LBR: variants seen among roughly 807,000 people sequenced by gnomAD.
The protein encoded by LBR is lamin B receptor.
In LBR, 28 loss-of-function variants were observed where a neutral mutation model predicts 74.3. The observed-to-expected ratio is 0.38, with a 90% CI of 0.28 to 0.52. LBR has a LOEUF of 0.52. LBR is among the 20% of genes least tolerant of loss of function. LBR has a pLI of 0.89. For synonymous variants in LBR, 228 were observed against 269.3 expected (o/e 0.85, Z 1.50); for missense variants, 717 against 760.3 (o/e 0.94, Z 0.67).
At chr1:225,420,416 T>C (rs142937803) in intron 3 of LBR, among the ~76,000 whole-genome samples, 267 of 151,464 alleles carry the variant, frequency 1.8e-3, no homozygotes, top group Admixed American at 2.3e-3. Flanking sequence ...AAAGTAAAAA[T>C]TGGTAAATTA....
At chr1:225,419,485 A>G (rs368254881) in intron 4 of LBR, 33 bp from the exon 5 acceptor site, 3 of 1,452,014 alleles carry the variant, frequency 2.1e-6, no homozygotes, top group African/African-American at 2.8e-5. Flanking sequence ...AAATATCTGC[A>G]GTGAACAATT....
chr1:225,412,649 T>TAAAA lies in LBR; in HGVS notation c.893-8_893-5dup, dbSNP rs78306811. 10 of 1,406,476 alleles carry TAAAA rather than the reference T, an allele frequency of 7.1e-6. No homozygotes were observed. Among genetic ancestry groups the TAAAA allele is most frequent in the South Asian group, 2.6e-5 (2 of 78,368 alleles). The allele number at this position is 1,406,476 out of a possible 1,614,324, so 87.1% of individuals were successfully genotyped here. Reference sequence around the variant, plus strand: ...GTCAGGATAAAAGCATAGAATCCTTTAAAAAAAAAAAAAAAAGGAAGTGGA... The same window carrying TAAAA: ...GTCAGGATAAAAGCATAGAATCCTTTAAAAAAAAAAAAAAAAAAAAGGAAGTGGA... On this transcript the variant is annotated splice_region_variant and splice_polypyrimidine_tract_variant and intron_variant, in intron 7 of 13. Transcript: ENST00000272163.
chr1:225,413,752 TTAA>T (rs566553827), intron 7 of LBR: 85 of 336,764 alleles, frequency 2.5e-4, no homozygotes, highest in African/African-American at 1.8e-3. Context: ...ACCTCCTTAG[TTAA>T]TAATCGTAAA....
intron 11 of LBR, 141 bp from the exon 12 acceptor site, chr1:225,404,847 G>C (rs1393841050): frequency 1.3e-5 from 9 of 679,592 alleles, no homozygotes; most frequent in Non-Finnish European, 2.3e-5. Flanking sequence ...AGATCCTCCT[G>C]CTTCAGCCTC....
chr1:225,424,046 T>G lies in LBR; in HGVS notation c.30A>C (p.Glu10Asp). 6.2e-7 allele frequency: 1 copy of G among 1,614,190 alleles called. No individual in the cohort carries two copies. The highest frequency in any genetic ancestry group is 1.1e-5 in the South Asian group (1 of 91,084). The change falls in exon 2 of 14, where the codon GAA (glutamate) becomes GAC (aspartate). Residue 10 changes from glutamate (E) to aspartate (D), a missense_variant. By Grantham distance (45) the Glu-to-Asp change is conservative. Coordinates refer to ENST00000272163, the MANE Select transcript of LBR (RefSeq NM_002296.4). ...TCCCAGGCCATCGACCTCTTACCAC[T>G]TCACCATCGGCAAATTTCCTACTTG... MPSRKFADG[E>D]VVRGRWPGSS...
chr1:225,419,432 T>C lies in LBR; in HGVS notation c.471A>G (p.Gln157=). 1 of 1,612,582 alleles carries C rather than the reference T, an allele frequency of 6.2e-7. No homozygotes were observed. Among genetic ancestry groups the C allele is most frequent in the Non-Finnish European group, 8.5e-7 (1 of 1,178,640 alleles). ...ACTGTGTTGCTATGTAACTGCTTTC[T>C]TGTGACAAACTGAATTTTTCCTAAA... ...KNTQEKFSLS[Q]ESSYIATQYS... is the part of the protein sequence containing the mutation. Residue 157 remains glutamine (Q), a synonymous_variant, in exon 5 of 14, where the codon CAA becomes CAG. Transcript: ENST00000272163.
chr1:225,404,918 C>G (rs894210415), intron 11 of LBR, among the ~76,000 whole-genome samples: 1 of 152,122 alleles, frequency 6.6e-6, no homozygotes, highest in Non-Finnish European at 1.5e-5. Context: ...AAGAACAACT[C>G]AAAACCTCTA....
intron 2 of LBR, among the ~76,000 whole-genome samples, 167 bp downstream of exon 2, chr1:225,423,744 C>T (rs2096132986): frequency 6.6e-6 from 1 of 152,194 alleles, no homozygotes; most frequent in South Asian, 2.1e-4. Context: ...AAGGACTATG[C>T]CTCATTCATA....
At position 225,403,048 on chromosome 1, in the gene LBR, G is replaced by C. The variant is rs11551874; in HGVS notation, c.*255C>G. ...AGACTGTCTTCTGTTTTCAGATTAA[G>C]GGTTGAAAATTTCCCATTAAAATGC... On this transcript the variant is annotated 3_prime_UTR_variant, in exon 14 of 14. Transcript: ENST00000272163. 53,534 of 480,640 alleles carry C rather than the reference G, an allele frequency of 0.11. 3,851 individuals carry two copies. Among genetic ancestry groups the C allele is most frequent in the South Asian group, 0.25 (10,472 of 42,050 alleles). The allele number at this position is 480,640 out of a possible 1,614,324, so 29.8% of individuals were successfully genotyped here.
In LBR at chr1:225,418,051, C is replaced by A. The variant is rs752867763; in HGVS notation, c.770G>T (p.Arg257Ile). 1 of 1,614,198 alleles carries A rather than the reference C, an allele frequency of 6.2e-7. No individual in the cohort carries two copies. Among genetic ancestry groups the A allele is most frequent in the South Asian group, 1.1e-5 (1 of 91,088 alleles). Residue 257 changes from arginine to isoleucine, a missense_variant, in exon 6 of 14, where the codon AGA (arginine) becomes ATA (isoleucine). Arg to Ile is a moderately conservative substitution (Grantham distance 97, BLOSUM62 -3). Transcript: ENST00000272163. ...CCACAGGAGGTAGACCCCAAATACT[C>A]TGGTTTCCCATAACTCATACAAAGC... is the stretch of plus-strand genomic sequence containing the variant. The part of the protein sequence containing the change: ...LPALYELWET[R>I]VFGVYLLWFL...
chr1:225,403,551 T>C, intron 13 of LBR, 88 bp from the exon 14 acceptor site: 2 of 1,040,894 alleles, frequency 1.9e-6, no homozygotes, highest in Non-Finnish European at 2.9e-6. Context: ...TCTCTAAAAA[T>C]GGAACCACAA....
At chr1:225,426,452 C>T in intron 1 of LBR, among the ~76,000 whole-genome samples, 1 of 152,328 alleles carries the variant, frequency 6.6e-6, no homozygotes, top group Middle Eastern at 3.4e-3. Context: ...TGTCCTCATT[C>T]GCCATAAACA....
upstream of LBR, among the ~76,000 whole-genome samples, chr1:225,428,482 C>T (rs1314246967): frequency 6.6e-6 from 1 of 152,036 alleles, no homozygotes; most frequent in African/African-American, 2.4e-5. Flanking sequence ...AAGTGATCAC[C>T]AAAGATCCGA....
At position 225,402,244 on chromosome 1, in the gene LBR, C is replaced by T. The variant is rs1336421642; in HGVS notation, c.*1059G>A. The T allele has an allele frequency of 6.6e-6, 1 of 152,120 alleles. No homozygotes were observed. The allele number at this position is 152,120 out of a possible 1,614,324, so 9.4% of individuals were successfully genotyped here. The stretch of plus-strand genomic sequence containing the variant: ...AAAAATACAGTATAAACTGCATAAG[C>T]TTAACAGTAGCAAAAACACTGATGA... On this transcript the variant is annotated 3_prime_UTR_variant, in exon 14 of 14. Coordinates refer to ENST00000272163, the MANE Select transcript of LBR (RefSeq NM_002296.4).
chr1:225,409,046 C>G (rs2096098698), intron 10 of LBR, among the ~76,000 whole-genome samples: 1 of 152,220 alleles, frequency 6.6e-6, no homozygotes, highest in Non-Finnish European at 1.5e-5. Flanking sequence ...TTTGGCGATT[C>G]ATTCTATAAC....
chr1:225,425,488 G>C (rs1441993942), intron 1 of LBR, among the ~76,000 whole-genome samples: 1 of 152,158 alleles, frequency 6.6e-6, no homozygotes, highest in African/African-American at 2.4e-5. Context: ...GAGTAGTGGG[G>C]AGGAGCCCAC....
At chr1:225,405,487 A>T (rs1168164058) in intron 11 of LBR, among the ~76,000 whole-genome samples, 3 of 152,222 alleles carry the variant, frequency 2.0e-5, no homozygotes, top group African/African-American at 7.2e-5. Flanking sequence ...TGGCTATCAC[A>T]GGAGTGGGCT....
intron 7 of LBR, among the ~76,000 whole-genome samples, chr1:225,413,148 A>C (rs1040224401): frequency 1.3e-5 from 2 of 152,248 alleles, no homozygotes; most frequent in Middle Eastern, 3.2e-3. Context: ...AAAAGATTCT[A>C]GTAAAACTCT....
chr1:225,422,819 TTTGTGTGG>T, intron 2 of LBR, among the ~76,000 whole-genome samples: 1 of 152,346 alleles, frequency 6.6e-6, no homozygotes, highest in East Asian at 1.9e-4. Context: ...CACCCCAATT[TTTGTGTGG>T]CCTTCCTACT....
Sources: allele counts gnomAD v4.1 joint callset (sites outside exome capture counted in the v4.1 genomes callset), GRCh38; gene constraint gnomAD v4.1.1; transcripts MANE v1.5; gene names NCBI Gene and HGNC (gene_info 2026-07-23, HGNC 2026-07-21).